KDM4C: variants seen among roughly 807,000 people sequenced by gnomAD.
KDM4C encodes the protein lysine demethylase 4C.
KDM4C carries 81 observed loss-of-function variants against 129.3 expected under a neutral mutation model. That is an observed-to-expected ratio of 0.63 (90% CI 0.52 to 0.75). KDM4C has a LOEUF of 0.75. Among genes scored for constraint, KDM4C ranks in the 30% least tolerant of loss-of-function variants. The pLI is 0.00. For synonymous variants in KDM4C, 573 were observed against 456.1 expected (o/e 1.26, Z -3.26); for missense variants, 1,457 against 1,304.0 (o/e 1.12, Z -1.81).
intron 12 of KDM4C, among the ~76,000 whole-genome samples, chr9:7,009,452 A>G (rs1048952563): frequency 6.6e-6 from 1 of 152,100 alleles, no homozygotes; most frequent in African/African-American, 2.4e-5. Context: ...TTTTATGCAT[A>G]CATTCTTTTT....
Position 6,774,813 on chromosome 9 carries a change from T to C in KDM4C, c.-18+16610T>C, listed in dbSNP as rs7864175. On this transcript the variant is annotated intron_variant, in intron 1 of 21. Coordinates refer to ENST00000381309, the MANE Select transcript of KDM4C (RefSeq NM_015061.6). The stretch of plus-strand genomic sequence containing the variant: ...TTCTATGAATTCACCCAGATATCAC[T>C]GTATGTTTCTCTTCTATCTCATCCA... 7.4e-3 allele frequency among the ~76,000 whole-genome samples: 1,123 copies of C among 152,330 alleles called. 18 individuals carry two copies. The highest frequency in any genetic ancestry group is 0.024 in the African/African-American group (1,015 of 41,570).
At chr9:6,948,733 T>C (rs1387620105) in intron 8 of KDM4C, among the ~76,000 whole-genome samples, 4 of 152,062 alleles carry the variant, frequency 2.6e-5, no homozygotes, top group Admixed American at 2.6e-4. Flanking sequence ...AAGCACATCT[T>C]GCACCGCCCT....
intron 15 of KDM4C, 39 bp downstream of exon 15, chr9:7,015,968 C>G: frequency 7.1e-7 from 1 of 1,401,270 alleles, no homozygotes; most frequent in Non-Finnish European, 1.0e-6. Flanking sequence ...CCTTTCTTCC[C>G]ACCCTACCCA....
chr9:6,898,298 T>C (rs1416433693), intron 8 of KDM4C, among the ~76,000 whole-genome samples: 2 of 152,220 alleles, frequency 1.3e-5, no homozygotes, highest in African/African-American at 4.8e-5. Context: ...ACTGTACTGA[T>C]TTTCTTGAGT....
chr9:6,749,712 C>T (rs758547311), intron 1 of KDM4C, among the ~76,000 whole-genome samples: 16 of 151,894 alleles, frequency 1.1e-4, no homozygotes, highest in Admixed American at 1.3e-4. Context: ...CCTGGCTGGG[C>T]GCAGTGGCTC....
At chr9:7,062,568 A>G (rs1224387966) in intron 17 of KDM4C, among the ~76,000 whole-genome samples, 2 of 150,680 alleles carry the variant, frequency 1.3e-5, no homozygotes, top group African/African-American at 4.9e-5. Flanking sequence ...TTTTTTTGTC[A>G]GGGTGGGGTC....
At chr9:6,972,798 G>A (rs1410770556) in intron 8 of KDM4C, among the ~76,000 whole-genome samples, 2 of 152,166 alleles carry the variant, frequency 1.3e-5, no homozygotes, top group Non-Finnish European at 2.9e-5. Context: ...GAATAATAAT[G>A]AATCTTCTTT....
rs144656879 is a variant in KDM4C at position 6,918,906 on chromosome 9, C to T, written c.921+25674C>T. 4.2e-3 allele frequency among the ~76,000 whole-genome samples: 640 copies of T among 152,168 alleles called. 3 individuals are homozygous for T. Among genetic ancestry groups the T allele is most frequent in the African/African-American group, 0.015 (606 of 41,506 alleles). ...TCACTCTGTTGCCCAGACTGGAGCG[C>T]AGTGGCACAGTCTTAGCTCACTGCA... On this transcript the variant is annotated intron_variant, in intron 8 of 21. Coordinates refer to ENST00000381309, the MANE Select transcript of KDM4C (RefSeq NM_015061.6).
chr9:6,743,626 G>T (rs1333536520), intron 1 of KDM4C, among the ~76,000 whole-genome samples: 2 of 151,706 alleles, frequency 1.3e-5, no homozygotes, highest in Admixed American at 6.6e-5. Flanking sequence ...TTCTGCCTCA[G>T]CCTCCCTAGT....
At chr9:7,154,910 G>A (rs1843016577) in intron 19 of KDM4C, among the ~76,000 whole-genome samples, 1 of 152,142 alleles carries the variant, frequency 6.6e-6, no homozygotes. Context: ...TATGTTAGGT[G>A]AAGATGGACT....
At chr9:6,887,466 C>A (rs1320156804) in intron 6 of KDM4C, among the ~76,000 whole-genome samples, 1 of 152,164 alleles carries the variant, frequency 6.6e-6, no homozygotes, top group Admixed American at 6.5e-5. Flanking sequence ...CAATTAGTTT[C>A]AGATTAATCA....
At chr9:6,916,786 A>G (rs552849568) in intron 8 of KDM4C, among the ~76,000 whole-genome samples, 27 of 152,334 alleles carry the variant, frequency 1.8e-4, no homozygotes, top group African/African-American at 6.0e-4. Context: ...GTCTTCTAAA[A>G]TGGACCTTCT....
At chr9:7,076,503 A>C (rs1045382376) in intron 17 of KDM4C, 2 of 1,548,710 alleles carry the variant, frequency 1.3e-6, no homozygotes, top group Admixed American at 2.0e-5. Context: ...CACTGTGAAA[A>C]CATCAATTCA....
At chr9:7,128,410 C>A (rs920076782) in intron 19 of KDM4C, among the ~76,000 whole-genome samples, 174 bp downstream of exon 19, 1 of 149,374 alleles carries the variant, frequency 6.7e-6, no homozygotes, top group Non-Finnish European at 1.5e-5. Context: ...TTCCCACATT[C>A]TTTTTTTGGC....
At chr9:6,881,832 C>T (rs1035251763) in intron 6 of KDM4C, among the ~76,000 whole-genome samples, 2 of 152,110 alleles carry the variant, frequency 1.3e-5, no homozygotes, top group African/African-American at 4.8e-5. Flanking sequence ...GACCAGATGC[C>T]AGCCAAAATA....
chr9:6,968,388 T>C (rs1354658305), intron 8 of KDM4C, among the ~76,000 whole-genome samples: 1 of 152,214 alleles, frequency 6.6e-6, no homozygotes, highest in African/African-American at 2.4e-5. Context: ...GATTACCATT[T>C]ATGTGTATGC....
At chr9:6,894,399 A>G (rs1846531963) in intron 8 of KDM4C, among the ~76,000 whole-genome samples, 1 of 152,236 alleles carries the variant, frequency 6.6e-6, no homozygotes, top group South Asian at 2.1e-4. Context: ...GTGTATTCTA[A>G]GAACTCAGTG....
intron 8 of KDM4C, among the ~76,000 whole-genome samples, chr9:6,974,175 A>C (rs150234763): frequency 5.3e-5 from 8 of 152,202 alleles, no homozygotes; most frequent in African/African-American, 1.9e-4. Flanking sequence ...ATTCAAGTGG[A>C]TGACTTACTT....
At chr9:6,885,770 C>T (rs1448973556) in intron 6 of KDM4C, among the ~76,000 whole-genome samples, 1 of 151,996 alleles carries the variant, frequency 6.6e-6, no homozygotes, top group Non-Finnish European at 1.5e-5. Context: ...ACATAAGATG[C>T]GTTGTTTATG....
Sources: gnomAD v4.1 joint callset for allele counts (sites outside exome capture counted in the v4.1 genomes callset) on GRCh38, gnomAD v4.1.1 for gene constraint, MANE v1.5 for transcripts, NCBI Gene and HGNC (gene_info 2026-07-23, HGNC 2026-07-21) for gene names.